The following PMF1 variants were observed in gnomAD, a reference collection of about 807,000 sequenced individuals.
PMF1 encodes the protein polyamine modulated factor 1.
PMF1 carries 21 observed loss-of-function variants against 26.7 expected under a neutral mutation model. That is an observed-to-expected ratio of 0.79 (90% CI 0.56 to 1.13). The LOEUF (loss-of-function observed/expected upper bound fraction) is 1.13. Ranked by LOEUF, PMF1 falls within the 50% of genes most tolerant of loss-of-function variation. PMF1 has a pLI of 0.00. For synonymous variants in PMF1, 105 were observed against 101.0 expected, an observed-to-expected ratio of 1.04 and a Z score of -0.24; for missense variants, 266 against 254.9, an observed-to-expected ratio of 1.04 and a Z score of -0.30.
intron 1 of PMF1, among the ~76,000 whole-genome samples, chr1:156,216,048 G>T (rs374874573): frequency 6.6e-6 from 1 of 151,960 alleles, no homozygotes; most frequent in East Asian, 1.9e-4. Flanking sequence ...TGATCAAGAT[G>T]GACAAGGTTC....
At chr1:156,227,169 A>T (rs1483405828) in intron 1 of PMF1, among the ~76,000 whole-genome samples, 3 of 152,214 alleles carry the variant, frequency 2.0e-5, no homozygotes, top group Non-Finnish European at 4.4e-5. Flanking sequence ...TTTGCGTAAA[A>T]AGATAAAATT....
rs917756111 is a variant in PMF1, at chr1:156,236,481, C to G, written c.562C>G (p.Gln188Glu). ...GGTCCAGGCCCAGCAGCAGGCCTGG[C>G]AGGTCAGTGTCCCAGCCTGCCTCTT... ...LQVQAQQQAW[Q>E]ALHREQRELV... Residue 188 changes from glutamine to glutamate, a missense_variant and splice_region_variant, in exon 4 of 5, where the codon CAG becomes GAG. Physicochemically the swap from Gln to Glu is conservative, Grantham distance 29 (BLOSUM62 2). Transcript: ENST00000368277. 1 of 1,606,634 alleles carries G rather than the reference C, an allele frequency of 6.2e-7. No individual in the cohort carries two copies. Among genetic ancestry groups the G allele is most frequent in the African/African-American group, 1.3e-5 (1 of 74,772 alleles).
intron 4 of PMF1, among the ~76,000 whole-genome samples, chr1:156,238,882 G>T (rs930731728): frequency 6.7e-6 from 1 of 148,412 alleles, no homozygotes; most frequent in African/African-American, 2.5e-5. Context: ...GGTGACAAAG[G>T]CCCCCCCCCC....
intron 1 of PMF1, among the ~76,000 whole-genome samples, chr1:156,218,680 G>A (rs1657910861): frequency 1.3e-5 from 2 of 152,044 alleles, no homozygotes; most frequent in African/African-American, 4.8e-5. Context: ...TACTCGGGAG[G>A]CTGAGGCAGG....
At chr1:156,232,694 T>C (rs1005178226) in intron 2 of PMF1, among the ~76,000 whole-genome samples, 1 of 130,282 alleles carries the variant, frequency 7.7e-6, no homozygotes, top group African/African-American at 3.0e-5. Flanking sequence ...CAAAGGCTGA[T>C]GGGGTCTTTT....
At chr1:156,232,063 A>G (rs1445929478) in intron 1 of PMF1, among the ~76,000 whole-genome samples, 2 of 152,176 alleles carry the variant, frequency 1.3e-5, no homozygotes, top group African/African-American at 2.4e-5. Flanking sequence ...AGTGAGGAGT[A>G]ATCTTCAAGA....
chr1:156,213,099 C>T lies in PMF1; in HGVS notation c.84C>T (p.Pro28=), dbSNP rs768162978. The T allele has an allele frequency of 6.8e-6, 11 of 1,614,080 alleles. No homozygotes were observed. In the African/African-American group the frequency reaches 1.5e-4, roughly 22 times the overall value. Residue 28 remains proline, a synonymous_variant, in exon 1 of 5, where the codon CCC becomes CCT. Transcript: ENST00000368277. Reference sequence around the variant, plus strand: ...GGTCGTCTTCGGAATCTGTGCCACCCGGCACTACCATTTCGAGGGTGAAGC... The same window carrying T: ...GGTCGTCTTCGGAATCTGTGCCACCTGGCACTACCATTTCGAGGGTGAAGC... ...HEGSSSESVP[P]GTTISRVKLL... is the part of the protein sequence containing the mutation.
Position 156,236,942 on chromosome 1 carries a change from T to C in PMF1, c.564+459T>C, listed in dbSNP as rs140999178. On this transcript the variant is annotated intron_variant, in intron 4 of 4. Transcript: ENST00000368277. ...TTTTTAAAATTGATACATCATATTT[T>C]ACATATTTAGGAAGTACATGTGATA... 5.1e-3 allele frequency: 846 copies of C among 166,288 alleles called. 8 individuals carry two copies. The highest frequency in any genetic ancestry group is 0.019 in the African/African-American group (806 of 42,072). 10.3% of individuals were successfully genotyped at this position (166,288 alleles called of 1,614,324 possible).
At chr1:156,221,383 G>A (rs1019645058) in intron 1 of PMF1, among the ~76,000 whole-genome samples, 3 of 152,136 alleles carry the variant, frequency 2.0e-5, no homozygotes, top group Non-Finnish European at 4.4e-5. Flanking sequence ...CCCGCTCTAA[G>A]GCCACCTTGC....
Position 156,232,359 on chromosome 1 carries a change from G to T in PMF1, c.201G>T (p.Gln67His). The T allele has an allele frequency of 6.2e-7, 1 of 1,614,046 alleles. No individual in the cohort carries two copies. Among genetic ancestry groups the T allele is most frequent in the Non-Finnish European group, 8.5e-7 (1 of 1,179,910 alleles). ...RFTDCYKCFY[Q>H]LQPAMTQQIY... ...CTGACTGCTATAAGTGCTTCTACCA[G>T]TTGCAGCCTGCGATGACACAGCAAA... Residue 67 changes from glutamine (Q) to histidine (H), a missense_variant, in exon 2 of 5, where the codon CAG becomes CAT. By Grantham distance (24) the Gln-to-His change is conservative. Transcript: ENST00000368277.
chr1:156,217,320 G>T (rs547298317), intron 1 of PMF1, among the ~76,000 whole-genome samples: 2 of 151,770 alleles, frequency 1.3e-5, no homozygotes, highest in Admixed American at 1.3e-4. Context: ...AGTGGCATTT[G>T]ACTGTATCCT....
intron 1 of PMF1, 29 bp from the exon 2 acceptor site, chr1:156,232,291 C>T (rs181469317): frequency 6.2e-7 from 1 of 1,610,914 alleles, no homozygotes; most frequent in South Asian, 1.1e-5. Flanking sequence ...CTTGGCCCTC[C>T]CCACCTTTGC....
Position 156,213,095 on chromosome 1 carries a change from C to T in PMF1, c.80C>T (p.Pro27Leu), listed in dbSNP as rs1389889375. ...GAGGGGTCGTCTTCGGAATCTGTGCCACCCGGCACTACCATTTCGAGGGTG... is the reference window on the plus strand; with the variant it reads ...GAGGGGTCGTCTTCGGAATCTGTGCTACCCGGCACTACCATTTCGAGGGTG... ...RHEGSSSESVPPGTTISRVKL... is the reference protein window; with the variant it reads ...RHEGSSSESVLPGTTISRVKL... Residue 27 changes from proline (P) to leucine (L), a missense_variant, in exon 1 of 5, where the codon CCA (proline) becomes CTA (leucine). Transcript: ENST00000368277. The T allele has an allele frequency of 3.7e-6, 6 of 1,614,222 alleles. No individual in the cohort carries two copies. The highest frequency in any genetic ancestry group is 5.1e-6 in the Non-Finnish European group (6 of 1,180,018).
chr1:156,227,853 A>G lies in PMF1; in HGVS notation c.162-4467A>G, dbSNP rs977473048. 5.8e-4 allele frequency among the ~76,000 whole-genome samples: 87 copies of G among 149,524 alleles called. 1 individual carries two copies. Among genetic ancestry groups the G allele is most frequent in the African/African-American group, 2.1e-3 (87 of 40,496 alleles). ...GCTGTGTTGCACAGGCTGGTCTCCA[A>G]CTCCTGGGCTCAAGTGATCCTCCTG... On this transcript the variant is annotated intron_variant, in intron 1 of 4. Coordinates refer to ENST00000368277, the MANE Select transcript of PMF1 (RefSeq NM_007221.4).
chr1:156,232,472 T>G, intron 2 of PMF1, 47 bp downstream of exon 2: 1 of 1,583,192 alleles, frequency 6.3e-7, no homozygotes. Flanking sequence ...GGGTTCTGTC[T>G]CCAGATTGTC....
At chr1:156,216,648 C>CGGCGGGGAA (rs1269007094) in intron 1 of PMF1, among the ~76,000 whole-genome samples, 1 of 151,666 alleles carries the variant, frequency 6.6e-6, no homozygotes, top group East Asian at 1.9e-4. Flanking sequence ...CACCCGGGGG[C>CGGCGGGGAA]GGCGGGGAAG....
chr1:156,226,320 A>G (rs949601712), intron 1 of PMF1, among the ~76,000 whole-genome samples: 5 of 152,240 alleles, frequency 3.3e-5, no homozygotes, highest in African/African-American at 1.2e-4. Context: ...TTTGAAACTC[A>G]GTAAATGTGG....
At chr1:156,233,343 C>T (rs537496119) in intron 2 of PMF1, among the ~76,000 whole-genome samples, 220 of 146,914 alleles carry the variant, frequency 1.5e-3, no homozygotes, top group Non-Finnish European at 2.6e-3. Context: ...TTTTTAGTAG[C>T]GACAGGGTTT....
chr1:156,231,563 C>T (rs1334126319), intron 1 of PMF1, among the ~76,000 whole-genome samples: 2 of 151,764 alleles, frequency 1.3e-5, no homozygotes, highest in African/African-American at 2.4e-5. Context: ...ATTAGCCAGG[C>T]GTGGTGGCGG....
Sources: gnomAD v4.1 joint callset for allele counts (sites outside exome capture counted in the v4.1 genomes callset) on GRCh38, gnomAD v4.1.1 for gene constraint, MANE v1.5 for transcripts, NCBI Gene and HGNC (gene_info 2026-07-23, HGNC 2026-07-21) for gene names.